The following NELL2 variants were observed in gnomAD, a reference collection of about 807,000 sequenced individuals.
The protein encoded by NELL2 is protein kinase C-binding protein NELL2.
NELL2 carries 41 observed loss-of-function variants against 109.6 expected under a neutral mutation model. The observed-to-expected ratio is 0.37, with a 90% CI of 0.29 to 0.49. The LOEUF is 0.49. NELL2 is among the 20% of genes least tolerant of loss of function. The pLI, the probability that NELL2 is intolerant of heterozygous loss-of-function variation, is 0.98. For synonymous variants in NELL2, 355 were observed against 344.7 expected (o/e 1.03, Z -0.33); for missense variants, 900 against 1,008.3 (o/e 0.89, Z 1.45).
chr12:44,557,307 T>C (rs1213592241), intron 15 of NELL2, among the ~76,000 whole-genome samples: 5 of 152,136 alleles, frequency 3.3e-5, no homozygotes, highest in Admixed American at 2.0e-4. Flanking sequence ...TACTGCAAAA[T>C]AGAAACAAAA....
intron 1 of NELL2, among the ~76,000 whole-genome samples, chr12:44,888,103 C>T (rs1945494598): frequency 6.6e-6 from 1 of 151,926 alleles, no homozygotes; most frequent in Admixed American, 6.6e-5. Context: ...GTCTTTTCCC[C>T]ATTGTATGTT....
At position 44,509,056 on chromosome 12, in the gene NELL2, A is replaced by G; in HGVS notation, c.2401-72T>C. The G allele has an allele frequency of 4.8e-6, 6 of 1,260,302 alleles. No homozygotes were observed. The Admixed American group carries it at 9.1e-5, about 19-fold the overall frequency. The allele number at this position is 1,260,302 out of a possible 1,614,324, so 78.1% of individuals were successfully genotyped here. A position where few individuals can be genotyped will look rare whatever the true frequency, so the allele number is the denominator to read the frequency against. ...CATTAGTAAATGATCACATTTATTG[A>G]TTGGTACTTACAAACAAAACTGTAT... is the stretch of plus-strand genomic sequence containing the variant. On this transcript the variant is annotated intron_variant, in intron 19 of 19. Transcript: ENST00000429094.
intron 2 of NELL2, among the ~76,000 whole-genome samples, chr12:44,820,166 C>A (rs936715220): frequency 6.6e-5 from 10 of 152,114 alleles, no homozygotes; most frequent in African/African-American, 2.2e-4. Context: ...CCTTACCTCA[C>A]CCTAAAATAT....
In NELL2 at chr12:44,626,120, T is replaced by A. The variant is rs142194964; in HGVS notation, c.1445-15150A>T. On this transcript the variant is annotated intron_variant, in intron 13 of 19. Transcript: ENST00000429094. ...AACATATTTGAATGTAGTCAGTTAATACGCAAACATATTCACCTGTAGCCT... is the reference window on the plus strand; with the variant it reads ...AACATATTTGAATGTAGTCAGTTAAAACGCAAACATATTCACCTGTAGCCT... 2.8e-3 allele frequency among the ~76,000 whole-genome samples: 425 copies of A among 152,314 alleles called. 4 individuals carry two copies. Among genetic ancestry groups the A allele is most frequent in the Non-Finnish European group, 4.6e-3 (313 of 68,032 alleles).
intron 10 of NELL2, among the ~76,000 whole-genome samples, 179 bp downstream of exon 10, chr12:44,714,471 C>T (rs1204936927): frequency 6.6e-6 from 1 of 151,940 alleles, no homozygotes; most frequent in African/African-American, 2.4e-5. Flanking sequence ...TATTTTTCAA[C>T]CACTAATTTA....
At chr12:44,660,076 T>C (rs1246744441) in intron 13 of NELL2, among the ~76,000 whole-genome samples, 1 of 152,122 alleles carries the variant, frequency 6.6e-6, no homozygotes, top group African/African-American at 2.4e-5. Context: ...CAGAAGAACT[T>C]AGTGGTGAGT....
intron 2 of NELL2, among the ~76,000 whole-genome samples, chr12:44,872,096 T>C (rs1275550739): frequency 2.6e-5 from 4 of 152,144 alleles, no homozygotes; most frequent in Admixed American, 6.5e-5. Flanking sequence ...AAAAACATTA[T>C]TATGATCATT....
chr12:44,813,032 T>C (rs1440558737), intron 3 of NELL2, among the ~76,000 whole-genome samples: 1 of 152,154 alleles, frequency 6.6e-6, no homozygotes, highest in Non-Finnish European at 1.5e-5. Flanking sequence ...TATGAGAGGT[T>C]TGTGAATTTT....
At chr12:44,714,525 A>G in intron 10 of NELL2, 125 bp downstream of exon 10, 2 of 571,070 alleles carry the variant, frequency 3.5e-6, no homozygotes, top group South Asian at 2.5e-5. Context: ...ATGATAATTA[A>G]TATTGTGAAT....
chr12:44,898,918 C>T (rs1353893560), intron 1 of NELL2, among the ~76,000 whole-genome samples: 1 of 152,060 alleles, frequency 6.6e-6, no homozygotes, highest in East Asian at 1.9e-4. Flanking sequence ...CATAAATGAC[C>T]TAATGGAGCT....
intron 2 of NELL2, among the ~76,000 whole-genome samples, chr12:44,831,386 T>C (rs1356454902): frequency 6.6e-6 from 1 of 152,112 alleles, no homozygotes; most frequent in Non-Finnish European, 1.5e-5. Context: ...AAATATATAC[T>C]GAGTATATAG....
intron 14 of NELL2, among the ~76,000 whole-genome samples, chr12:44,608,774 G>A (rs1945498941): frequency 6.6e-6 from 1 of 151,774 alleles, no homozygotes. Context: ...ACCTTCAGGT[G>A]ATTTGGGGGA....
chr12:44,552,733 T>G (rs867080606), intron 15 of NELL2, among the ~76,000 whole-genome samples: 4 of 152,124 alleles, frequency 2.6e-5, no homozygotes, highest in African/African-American at 7.2e-5. Flanking sequence ...TACTTGTGTT[T>G]ACATTTTGAG....
At chr12:44,882,341 A>C (rs536617977) in intron 1 of NELL2, among the ~76,000 whole-genome samples, 6 of 151,422 alleles carry the variant, frequency 4.0e-5, no homozygotes, top group Admixed American at 2.0e-4. Flanking sequence ...ATATGTATGT[A>C]TATATATATA....
chr12:44,508,924 A>G lies in NELL2; in HGVS notation c.*10T>C. 1.9e-6 allele frequency: 3 copies of G among 1,608,116 alleles called. No homozygotes were observed. Among genetic ancestry groups the G allele is most frequent in the Non-Finnish European group, 2.6e-6 (3 of 1,175,606 alleles). Reference sequence around the variant, plus strand: ...TCTTTTAACAGAAATCTCCCATGAGACAGTTAACTTCACAGTTCCTGAAGG... The same window carrying G: ...TCTTTTAACAGAAATCTCCCATGAGGCAGTTAACTTCACAGTTCCTGAAGG... On this transcript the variant is annotated 3_prime_UTR_variant, in exon 20 of 20. Coordinates refer to ENST00000429094, the MANE Select transcript of NELL2 (RefSeq NM_001145108.2).
intron 14 of NELL2, among the ~76,000 whole-genome samples, chr12:44,608,692 T>G (rs7966743): frequency 0.53 from 80,303 of 150,818 alleles, 23,947 homozygotes; most frequent in African/African-American, 0.83. Flanking sequence ...CATAGGAATT[T>G]GTATCAAGCA....
chr12:44,774,658 G>T, intron 9 of NELL2, 89 bp downstream of exon 9: 1 of 1,021,674 alleles, frequency 9.8e-7, no homozygotes, highest in Non-Finnish European at 1.5e-6. Flanking sequence ...TATTTAGCTT[G>T]CCCAGATTAA....
At chr12:44,743,598 G>A (rs1940138086) in intron 9 of NELL2, among the ~76,000 whole-genome samples, 1 of 152,294 alleles carries the variant, frequency 6.6e-6, no homozygotes, top group Middle Eastern at 3.4e-3. Context: ...TAAAGGGATG[G>A]AGGAAGATCT....
Position 44,523,469 on chromosome 12 carries a change from C to A in NELL2, c.1820G>T (p.Gly607Val). The change falls in exon 17 of 20, where the codon GGG (glycine) becomes GTG (valine). Residue 607 changes from glycine to valine, a missense_variant. Physicochemically the swap from Gly to Val is moderately radical, Grantham distance 109. Transcript: ENST00000429094. ...GESCEDIDEC[G>V]TGRHSCANDT... ...ATTGGCACAGCTGTGCCTCCCGGTC[C>A]CACACTCATCAATATCTATAGACAA... 1 of 1,613,546 alleles carries A rather than the reference C, an allele frequency of 6.2e-7. No individual in the cohort carries two copies. Among genetic ancestry groups the A allele is most frequent in the Admixed American group, 1.7e-5 (1 of 60,014 alleles).
Sources: allele counts gnomAD v4.1 joint callset (sites outside exome capture counted in the v4.1 genomes callset), GRCh38; gene constraint gnomAD v4.1.1; transcripts MANE v1.5; gene names NCBI Gene and HGNC (gene_info 2026-07-23, HGNC 2026-07-21).